The following TDRD9 variants were observed in gnomAD, a reference collection of about 807,000 sequenced individuals.
The protein encoded by TDRD9 is ATP-dependent RNA helicase TDRD9.
In TDRD9, 124 loss-of-function variants were observed where a neutral mutation model predicts 172.6. The observed-to-expected ratio is 0.72, with a 90% CI of 0.62 to 0.83. The LOEUF is 0.83. Ranked by LOEUF, TDRD9 falls within the 40% of genes least tolerant of loss-of-function variation. TDRD9 has a pLI of 0.00. For synonymous variants in TDRD9, 619 were observed against 617.1 expected, an observed-to-expected ratio of 1.00 and a Z score of -0.05; for missense variants, 1,479 against 1,714.1, an observed-to-expected ratio of 0.86 and a Z score of 2.42.
chr14:104,013,259 A>G (rs1367525436), intron 20 of TDRD9, among the ~76,000 whole-genome samples: 1 of 152,158 alleles, frequency 6.6e-6, no homozygotes, highest in Non-Finnish European at 1.5e-5. Flanking sequence ...GGAGTTGTGT[A>G]TTTTCATGTG....
At chr14:103,994,043 T>TA (rs1262047922) in intron 9 of TDRD9, among the ~76,000 whole-genome samples, 1 of 152,052 alleles carries the variant, frequency 6.6e-6, no homozygotes, top group African/African-American at 2.4e-5. Flanking sequence ...AATCTGGGGG[T>TA]AAAAAAGGAA....
At chr14:104,001,127 C>T (rs911565805) in intron 13 of TDRD9, among the ~76,000 whole-genome samples, 10 of 152,086 alleles carry the variant, frequency 6.6e-5, no homozygotes, top group African/African-American at 2.2e-4. Flanking sequence ...CAGTTTGATC[C>T]CATGTGTAAG....
intron 28 of TDRD9, among the ~76,000 whole-genome samples, chr14:104,027,973 T>C (rs1282397567): frequency 6.6e-6 from 1 of 152,248 alleles, no homozygotes; most frequent in Non-Finnish European, 1.5e-5. Context: ...GCCTGACTTA[T>C]TTTACTTAAC....
intron 1 of TDRD9, among the ~76,000 whole-genome samples, chr14:103,935,724 G>C (rs1566721027): frequency 6.6e-6 from 1 of 152,150 alleles, no homozygotes; most frequent in Non-Finnish European, 1.5e-5. Flanking sequence ...AGTGAGAAAA[G>C]GAGACTGAGA....
rs1311146071 is a variant in TDRD9 at position 103,975,535 on chromosome 14, G to A, written c.993G>A (p.Glu331=). ...SVEEYYLNDL[E]HIHHSKLSPH... is the part of the protein sequence containing the mutation. ...AAGAGTATTATCTTAATGATTTGGA[G>A]CACATTCATCATAGCAAGGTATGTT... The change falls in exon 7 of 36, where the codon GAG becomes GAA. Residue 331 remains glutamate (E), a synonymous_variant. Transcript: ENST00000409874. 1 of 1,608,922 alleles carries A rather than the reference G, an allele frequency of 6.2e-7. No homozygotes were observed.
chr14:104,008,552 G>T, intron 20 of TDRD9, 86 bp downstream of exon 20: 3 of 896,162 alleles, frequency 3.3e-6, no homozygotes, highest in South Asian at 2.9e-5. Context: ...TATTAAGTAC[G>T]TGGGTAGTAA....
intron 1 of TDRD9, among the ~76,000 whole-genome samples, chr14:103,934,941 A>G (rs2030655896): frequency 6.6e-6 from 1 of 152,226 alleles, no homozygotes; most frequent in Non-Finnish European, 1.5e-5. Context: ...TGAGACTAAC[A>G]TTGCAAATCT....
At chr14:103,969,843 G>A (rs1287358689) in intron 5 of TDRD9, among the ~76,000 whole-genome samples, 1 of 151,758 alleles carries the variant, frequency 6.6e-6, no homozygotes, top group Non-Finnish European at 1.5e-5. Flanking sequence ...GGGGCTGTGG[G>A]TCCTGGGGTG....
intron 8 of TDRD9, among the ~76,000 whole-genome samples, chr14:103,986,793 A>G (rs1384828579): frequency 6.6e-6 from 1 of 152,154 alleles, no homozygotes; most frequent in African/African-American, 2.4e-5. Context: ...GAACAGTTTT[A>G]GGTTATAAGT....
intron 20 of TDRD9, among the ~76,000 whole-genome samples, chr14:104,009,170 A>G (rs770513345): frequency 6.6e-6 from 1 of 152,252 alleles, no homozygotes; most frequent in African/African-American, 2.4e-5. Context: ...GGCAATTACA[A>G]CAAAATGGTA....
At chr14:104,051,809 A>C in intron 35 of TDRD9, among the ~76,000 whole-genome samples, 172 bp from the exon 36 acceptor site, 1 of 152,236 alleles carries the variant, frequency 6.6e-6, no homozygotes, top group Non-Finnish European at 1.5e-5. Flanking sequence ...CATGAAATTA[A>C]AAATGAATTA....
intron 25 of TDRD9, 78 bp downstream of exon 25, chr14:104,024,758 ACACAC>A: frequency 5.3e-6 from 1 of 188,560 alleles, no homozygotes; most frequent in Non-Finnish European, 8.7e-6. Context: ...TTACACACAC[ACACAC>A]ACACACACAC....
chr14:104,007,298 G>A (rs752436372), intron 19 of TDRD9, 94 bp downstream of exon 19: 12 of 1,231,524 alleles, frequency 9.7e-6, no homozygotes, highest in Admixed American at 2.3e-5. Context: ...AATCATGACG[G>A]TGCCACCTGC....
chr14:104,002,308 A>G (rs2034286025), intron 13 of TDRD9, among the ~76,000 whole-genome samples: 1 of 139,028 alleles, frequency 7.2e-6, no homozygotes, highest in Non-Finnish European at 1.6e-5. Context: ...ACAGAGTGAG[A>G]TGCTGTTTCA....
intron 20 of TDRD9, among the ~76,000 whole-genome samples, chr14:104,012,098 T>C (rs2034630967): frequency 6.6e-6 from 1 of 152,190 alleles, no homozygotes; most frequent in African/African-American, 2.4e-5. Flanking sequence ...TATTGAGCAC[T>C]GGTTATGTAG....
At chr14:104,035,214 A>G (rs1566799089) in intron 32 of TDRD9, among the ~76,000 whole-genome samples, 158 bp downstream of exon 32, 1 of 151,772 alleles carries the variant, frequency 6.6e-6, no homozygotes, top group Non-Finnish European at 1.5e-5. Flanking sequence ...TTATTGATTT[A>G]TTTATGCTTG....
chr14:103,929,339 G>C (rs984726512), intron 1 of TDRD9, among the ~76,000 whole-genome samples: 4 of 152,144 alleles, frequency 2.6e-5, no homozygotes, highest in Non-Finnish European at 5.9e-5. Context: ...GAATCACACA[G>C]TATGTGTAGC....
intron 34 of TDRD9, among the ~76,000 whole-genome samples, chr14:104,045,581 C>T (rs963837692): frequency 5.3e-5 from 8 of 152,140 alleles, no homozygotes; most frequent in African/African-American, 1.9e-4. Flanking sequence ...CCAAAGAACA[C>T]AAATTTTTAA....
chr14:104,040,087 A>C, intron 32 of TDRD9, 109 bp from the exon 33 acceptor site: 1 of 1,032,256 alleles, frequency 9.7e-7, no homozygotes, highest in East Asian at 3.1e-5. Flanking sequence ...TAATTGCTGT[A>C]CTAGGGCTGG....
Sources: allele counts gnomAD v4.1 joint callset (sites outside exome capture counted in the v4.1 genomes callset), GRCh38; gene constraint gnomAD v4.1.1; transcripts MANE v1.5; gene names NCBI Gene and HGNC (gene_info 2026-07-23, HGNC 2026-07-21).